Variants in IL1RAPL2 observed in about 807,000 individuals in gnomAD.
The protein encoded by IL1RAPL2 is interleukin 1 receptor accessory protein like 2, also known as X-linked interleukin-1 receptor accessory protein-like 2.
In IL1RAPL2, 3 loss-of-function variants were observed where a neutral mutation model predicts 44.1. The observed-to-expected ratio is 0.07, with a 90% CI of 0.03 to 0.18. IL1RAPL2 has a LOEUF of 0.18. Among genes scored for constraint, IL1RAPL2 ranks in the 10% least tolerant of loss-of-function variants. IL1RAPL2 has a pLI of 1.00. For synonymous variants in IL1RAPL2, 181 were observed against 178.8 expected, an observed-to-expected ratio of 1.01 and a Z score of -0.10; for missense variants, 391 against 496.4, an observed-to-expected ratio of 0.79 and a Z score of 2.02.
chrX:104,862,040 C>A (rs2147647765), intron 2 of IL1RAPL2, among the ~76,000 whole-genome samples: 2 of 110,394 alleles, frequency 1.8e-5, no homozygotes, highest in South Asian at 7.8e-4. Flanking sequence ...AGGCATAGAG[C>A]AGCCTACATA....
At chrX:105,652,398 A>AT (rs1451091245) in intron 6 of IL1RAPL2, among the ~76,000 whole-genome samples, 1 of 111,617 alleles carries the variant, frequency 9.0e-6, no homozygotes, top group Non-Finnish European at 1.9e-5. Context: ...TGTTATGCTT[A>AT]TCCTAAAATC....
intron 2 of IL1RAPL2, among the ~76,000 whole-genome samples, chrX:104,905,548 T>G (rs1053762046): frequency 1.8e-5 from 2 of 111,961 alleles, no homozygotes; most frequent in Non-Finnish European, 3.8e-5. Flanking sequence ...CAGCACTATT[T>G]ATTAAATAGG....
intron 5 of IL1RAPL2, among the ~76,000 whole-genome samples, chrX:105,407,304 G>T (rs1365900373): frequency 9.0e-6 from 1 of 110,813 alleles, no homozygotes; most frequent in Non-Finnish European, 1.9e-5. Context: ...TTTGAACGGG[G>T]TAGGGGGGTT....
intron 5 of IL1RAPL2, among the ~76,000 whole-genome samples, chrX:105,377,801 A>G (rs945142809): frequency 9.0e-6 from 1 of 111,625 alleles, no homozygotes; most frequent in Admixed American, 9.6e-5. Context: ...CCATCATAGC[A>G]GTAAACTGTG....
chrX:104,598,376 C>A (rs753599767), intron 1 of IL1RAPL2, among the ~76,000 whole-genome samples: 1 of 112,176 alleles, frequency 8.9e-6, no homozygotes, highest in African/African-American at 3.2e-5. Flanking sequence ...CTCTCAGCAA[C>A]TGGTGTGAAC....
rs57243276 is a variant in IL1RAPL2 at position 105,086,260 on chromosome X, T to TACACAC, written c.83-109197_83-109192dup. Reference sequence around the variant, plus strand: ...GGAAGAATGGATAAAGAAAATGTGATACACACACACACACACACACACAGT... The same window carrying TACACAC: ...GGAAGAATGGATAAAGAAAATGTGATACACACACACACACACACACACACACACAGT... On this transcript the variant is annotated intron_variant, in intron 2 of 10. Transcript: ENST00000372582. 6.8e-3 allele frequency among the ~76,000 whole-genome samples: 731 copies of TACACAC among 107,776 alleles called. 10 individuals are homozygous for TACACAC. Among genetic ancestry groups the TACACAC allele is most frequent in the African/African-American group, 0.024 (698 of 29,225 alleles). 93.6% of individuals were successfully genotyped at this position (107,776 alleles called of 115,157 possible).
At chrX:104,800,555 G>A (rs1326048145) in intron 2 of IL1RAPL2, among the ~76,000 whole-genome samples, 1 of 112,236 alleles carries the variant, frequency 8.9e-6, no homozygotes, top group African/African-American at 3.2e-5. Context: ...TCTAATCTAT[G>A]TAGATGCTGA....
intron 1 of IL1RAPL2, among the ~76,000 whole-genome samples, chrX:104,655,534 G>C (rs1318371483): frequency 8.9e-6 from 1 of 111,747 alleles, no homozygotes; most frequent in Non-Finnish European, 1.9e-5. Context: ...ACTTGATCAT[G>C]GTGGATAAGT....
At chrX:105,045,289 C>T (rs73520218) in intron 2 of IL1RAPL2, among the ~76,000 whole-genome samples, 7,362 of 111,159 alleles carry the variant, frequency 0.066, 654 homozygotes, top group African/African-American at 0.23. Context: ...GGTGTATGTG[C>T]TGGGTAGAAG....
chrX:105,236,713 A>G (rs782258884), intron 4 of IL1RAPL2, among the ~76,000 whole-genome samples: 5 of 112,087 alleles, frequency 4.5e-5, no homozygotes, highest in African/African-American at 1.6e-4. Context: ...TTCTCATACA[A>G]GGTTTCAAGT....
chrX:104,890,420 T>G (rs1923392535), intron 2 of IL1RAPL2, among the ~76,000 whole-genome samples: 2 of 111,751 alleles, frequency 1.8e-5, no homozygotes, highest in East Asian at 5.7e-4. Flanking sequence ...ACCAACAGTG[T>G]AAAAGTGTTC....
intron 9 of IL1RAPL2, among the ~76,000 whole-genome samples, chrX:105,753,927 TCTA>T (rs1477435441): frequency 8.9e-6 from 1 of 111,954 alleles, no homozygotes; most frequent in Admixed American, 9.5e-5. Context: ...GGAGGTCTCA[TCTA>T]CTCCTAAAAG....
intron 2 of IL1RAPL2, among the ~76,000 whole-genome samples, chrX:105,001,174 C>A (rs1178636168): frequency 1.8e-5 from 2 of 111,601 alleles, no homozygotes; most frequent in Non-Finnish European, 1.9e-5. Flanking sequence ...TGCCAGCTAA[C>A]CTTTTGGTGC....
chrX:105,057,780 T>A (rs775665160), intron 2 of IL1RAPL2, among the ~76,000 whole-genome samples: 30 of 110,290 alleles, frequency 2.7e-4, no homozygotes, highest in East Asian at 1.4e-3. Flanking sequence ...TTATTTATTT[T>A]TTTTTAATTT....
intron 2 of IL1RAPL2, among the ~76,000 whole-genome samples, chrX:104,681,230 ATTCAC>A (rs951717040): frequency 8.9e-6 from 1 of 112,410 alleles, no homozygotes; most frequent in African/African-American, 3.2e-5. Context: ...ATACCAAATA[ATTCAC>A]TTAATTTATA....
intron 5 of IL1RAPL2, among the ~76,000 whole-genome samples, chrX:105,439,903 C>T (rs1044732712): frequency 2.7e-5 from 3 of 111,679 alleles, no homozygotes; most frequent in East Asian, 2.8e-4. Context: ...AACAAGAGTC[C>T]GCAGGTATAT....
At chrX:104,632,322 C>T (rs375864688) in intron 1 of IL1RAPL2, among the ~76,000 whole-genome samples, 68 of 111,265 alleles carry the variant, frequency 6.1e-4, no homozygotes, top group African/African-American at 1.9e-3. Flanking sequence ...CTTGGCGATG[C>T]GGGCTCTTTT....
intron 5 of IL1RAPL2, among the ~76,000 whole-genome samples, chrX:105,414,612 A>G (rs1347631548): frequency 9.0e-6 from 1 of 111,370 alleles, no homozygotes; most frequent in Non-Finnish European, 1.9e-5. Flanking sequence ...GGGGCTTTCC[A>G]TGTGAGGTTC....
At chrX:104,743,772 A>G (rs748097517) in intron 2 of IL1RAPL2, among the ~76,000 whole-genome samples, 6 of 111,389 alleles carry the variant, frequency 5.4e-5, no homozygotes, top group African/African-American at 2.0e-4. Flanking sequence ...CTTTCAGTAG[A>G]AAGTGTTAGA....
Sources: gnomAD v4.1 joint callset for allele counts (sites outside exome capture counted in the v4.1 genomes callset) on GRCh38, gnomAD v4.1.1 for gene constraint, MANE v1.5 for transcripts, NCBI Gene and HGNC (gene_info 2026-07-23, HGNC 2026-07-21) for gene names.